WWOX: variants seen among roughly 807,000 people sequenced by gnomAD.
WWOX encodes WW domain-containing oxidoreductase.
Under a neutral mutation model 46.2 loss-of-function variants are expected in WWOX, and 69 were observed. That is an observed-to-expected ratio of 1.49 (90% CI 1.23 to 1.82). The LOEUF is 1.82. Ranked by LOEUF, WWOX falls within the 40% of genes most tolerant of loss-of-function variation. The pLI, the probability that WWOX is intolerant of heterozygous loss-of-function variation, is 0.00. For synonymous variants in WWOX, 359 were observed against 202.6 expected, an observed-to-expected ratio of 1.77 and a Z score of -6.56; for missense variants, 919 against 542.6, an observed-to-expected ratio of 1.69 and a Z score of -6.89.
intron 5 of WWOX, among the ~76,000 whole-genome samples, chr16:78,315,555 C>T (rs2080341362): frequency 6.6e-6 from 1 of 152,056 alleles, no homozygotes. Context: ...GAGGCTGAGG[C>T]AGGCGAATCG....
chr16:79,171,599 C>T (rs1011880158), intron 8 of WWOX, among the ~76,000 whole-genome samples: 10 of 152,152 alleles, frequency 6.6e-5, no homozygotes, highest in South Asian at 2.1e-4. Flanking sequence ...CTTACAAATG[C>T]TCTTCAAGAG....
At chr16:78,304,483 C>G (rs2080097588) in intron 5 of WWOX, among the ~76,000 whole-genome samples, 1 of 152,172 alleles carries the variant, frequency 6.6e-6, no homozygotes, top group Non-Finnish European at 1.5e-5. Context: ...CTCCAGCACA[C>G]CCATAGTGCT....
intron 8 of WWOX, among the ~76,000 whole-genome samples, chr16:78,856,982 A>G (rs1485746236): frequency 1.3e-5 from 2 of 152,196 alleles, no homozygotes; most frequent in Non-Finnish European, 2.9e-5. Context: ...TGTCCTGAAT[A>G]CTGTAGGCAA....
At chr16:78,330,170 G>C (rs946234484) in intron 5 of WWOX, among the ~76,000 whole-genome samples, 2 of 151,992 alleles carry the variant, frequency 1.3e-5, no homozygotes, top group Admixed American at 6.5e-5. Flanking sequence ...TGAAGTTATA[G>C]CATACTAACA....
intron 8 of WWOX, among the ~76,000 whole-genome samples, chr16:79,061,036 C>T (rs997865282): frequency 6.6e-6 from 1 of 152,154 alleles, no homozygotes; most frequent in Admixed American, 6.5e-5. Context: ...GGAATTCAGA[C>T]TTATACACTC....
chr16:78,462,821 G>A (rs1329899439), intron 8 of WWOX, among the ~76,000 whole-genome samples: 1 of 152,216 alleles, frequency 6.6e-6, no homozygotes, highest in Non-Finnish European at 1.5e-5. Flanking sequence ...GAGGCAGCGG[G>A]CACTGGGGCA....
chr16:78,293,528 A>C (rs879770893), intron 5 of WWOX, among the ~76,000 whole-genome samples: 1 of 151,998 alleles, frequency 6.6e-6, no homozygotes, highest in Non-Finnish European at 1.5e-5. Flanking sequence ...TTCTCCTCTG[A>C]GCGGGAACTG....
At chr16:79,084,360 T>C (rs1203952681) in intron 8 of WWOX, among the ~76,000 whole-genome samples, 1 of 152,142 alleles carries the variant, frequency 6.6e-6, no homozygotes, top group Non-Finnish European at 1.5e-5. Flanking sequence ...CAACAAATAA[T>C]ACCAGGAATA....
chr16:78,431,271 T>C (rs2083210799), intron 7 of WWOX, among the ~76,000 whole-genome samples: 1 of 152,224 alleles, frequency 6.6e-6, no homozygotes, highest in Non-Finnish European at 1.5e-5. Context: ...CATTAGATTT[T>C]GCCAGAACTC....
intron 4 of WWOX, among the ~76,000 whole-genome samples, chr16:78,153,852 A>G (rs1303654867): frequency 2.0e-5 from 3 of 152,136 alleles, no homozygotes; most frequent in Non-Finnish European, 4.4e-5. Context: ...AAAAACTTAA[A>G]CCAGAAGGAA....
intron 5 of WWOX, among the ~76,000 whole-genome samples, chr16:78,366,650 T>A: frequency 6.6e-6 from 1 of 152,246 alleles, no homozygotes; most frequent in Non-Finnish European, 1.5e-5. Context: ...ATATCTCGTC[T>A]GTTGCCACTT....
chr16:78,379,155 A>C (rs1018318859), intron 5 of WWOX, among the ~76,000 whole-genome samples: 1 of 152,230 alleles, frequency 6.6e-6, no homozygotes, highest in Non-Finnish European at 1.5e-5. Flanking sequence ...GCATGTCATC[A>C]GTGCTTATTA....
At chr16:79,187,220 C>T (rs914909672) in intron 8 of WWOX, among the ~76,000 whole-genome samples, 4 of 152,092 alleles carry the variant, frequency 2.6e-5, no homozygotes, top group Non-Finnish European at 4.4e-5. Flanking sequence ...CCCTGTAAAA[C>T]GGGTTAATAT....
chr16:78,724,697 G>A (rs1452821587), intron 8 of WWOX, among the ~76,000 whole-genome samples: 1 of 152,150 alleles, frequency 6.6e-6, no homozygotes, highest in African/African-American at 2.4e-5. Flanking sequence ...TCACCCTTGA[G>A]ATTGAAGCTC....
chr16:78,357,689 C>G (rs2081326901), intron 5 of WWOX, among the ~76,000 whole-genome samples: 1 of 152,208 alleles, frequency 6.6e-6, no homozygotes, highest in South Asian at 2.1e-4. Context: ...TCAATACTAG[C>G]TGTGATTATT....
intron 8 of WWOX, among the ~76,000 whole-genome samples, chr16:78,752,827 C>T (rs1283538380): frequency 1.3e-5 from 2 of 152,206 alleles, no homozygotes; most frequent in East Asian, 3.9e-4. Flanking sequence ...GGCGAGCCGC[C>T]TTACCTAGCT....
At position 79,211,940 on chromosome 16, in the gene WWOX, A is replaced by G. The variant is rs1393784016; in HGVS notation, c.*144A>G. On this transcript the variant is annotated 3_prime_UTR_variant, in exon 9 of 9. Coordinates refer to ENST00000566780, the MANE Select transcript of WWOX (RefSeq NM_016373.4). ...TAAGAGCAGTCACAACAGAGTGAAA[A>G]ATCTTAAGTACCAATGGGAAGCAGG... 8 of 1,537,400 alleles carry G rather than the reference A, an allele frequency of 5.2e-6. No homozygotes were observed. Among genetic ancestry groups the G allele is most frequent in the African/African-American group, 1.4e-5 (1 of 73,056 alleles).
At chr16:78,870,524 C>A (rs1372226262) in intron 8 of WWOX, among the ~76,000 whole-genome samples, 1 of 152,024 alleles carries the variant, frequency 6.6e-6, no homozygotes. Flanking sequence ...ACAAAAAACC[C>A]TTACTGATCT....
chr16:79,124,659 A>G (rs11150136), intron 8 of WWOX, among the ~76,000 whole-genome samples: 87,551 of 152,110 alleles, frequency 0.58, 25,999 homozygotes, highest in African/African-American at 0.73. Context: ...GAGGCTGTTG[A>G]TGGCAAGAAA....
Sources: gnomAD v4.1 joint callset for allele counts (sites outside exome capture counted in the v4.1 genomes callset) on GRCh38, gnomAD v4.1.1 for gene constraint, MANE v1.5 for transcripts, NCBI Gene and HGNC (gene_info 2026-07-23, HGNC 2026-07-21) for gene names.